Variants in DCAF1 observed in about 807,000 individuals in gnomAD.
DCAF1 encodes the protein DDB1- and CUL4-associated factor 1.
DCAF1 carries 15 observed loss-of-function variants against 128.0 expected under a neutral mutation model. That is an observed-to-expected ratio of 0.12 (90% CI 0.08 to 0.18). The LOEUF (loss-of-function observed/expected upper bound fraction) is 0.18. Ranked by LOEUF, DCAF1 falls within the 10% of genes least tolerant of loss-of-function variation. The pLI, the probability that DCAF1 is intolerant of heterozygous loss-of-function variation, is 1.00. For synonymous variants in DCAF1, 610 were observed against 603.0 expected (o/e 1.01, Z -0.17); for missense variants, 988 against 1,649.5 (o/e 0.60, Z 6.95).
rs1444490264 is a variant in DCAF1, at chr3:51,398,134, A to G, written c.*635T>C. 1.3e-5 allele frequency: 2 copies of G among 152,324 alleles called. No individual in the cohort carries two copies. Among genetic ancestry groups the G allele is most frequent in the African/African-American group, 2.4e-5 (1 of 41,420 alleles). 9.4% of individuals were successfully genotyped at this position (152,324 alleles called of 1,614,324 possible). On this transcript the variant is annotated 3_prime_UTR_variant, in exon 25 of 25. Transcript: ENST00000684031. ...GCCTTCCTCCCCACCTCTGGCACGAAGGAAAACAAATTAACCTGACAGCAT... is the reference window on the plus strand; with the variant it reads ...GCCTTCCTCCCCACCTCTGGCACGAGGGAAAACAAATTAACCTGACAGCAT...
chr3:51,476,030 C>A (rs574894323), intron 3 of DCAF1, among the ~76,000 whole-genome samples: 1 of 152,076 alleles, frequency 6.6e-6, no homozygotes, highest in African/African-American at 2.4e-5. Context: ...TAAAACCTGA[C>A]AAGTAAGAGC....
chr3:51,428,008 C>A (rs142322229), intron 12 of DCAF1, among the ~76,000 whole-genome samples: 43 of 152,158 alleles, frequency 2.8e-4, no homozygotes, highest in African/African-American at 1.0e-3. Context: ...TCAAATTCCA[C>A]AATTCTTGAG....
At chr3:51,495,371 G>A (rs1380755146) in intron 2 of DCAF1, among the ~76,000 whole-genome samples, 1 of 151,926 alleles carries the variant, frequency 6.6e-6, no homozygotes, top group African/African-American at 2.4e-5. Flanking sequence ...ATAAAGGCAA[G>A]GCGTGGTGGC....
At chr3:51,473,756 C>T (rs1412389835) in intron 3 of DCAF1, among the ~76,000 whole-genome samples, 2 of 151,776 alleles carry the variant, frequency 1.3e-5, no homozygotes, top group East Asian at 1.9e-4. Context: ...CCACCCTGGC[C>T]TACCAAAGTC....
At chr3:51,456,368 C>T (rs1702909351) in intron 6 of DCAF1, among the ~76,000 whole-genome samples, 1 of 152,174 alleles carries the variant, frequency 6.6e-6, no homozygotes, top group South Asian at 2.1e-4. Context: ...GAGGGGCGCC[C>T]GCCATTGCTG....
At chr3:51,491,008 G>C (rs1469956861) in intron 2 of DCAF1, among the ~76,000 whole-genome samples, 1 of 147,030 alleles carries the variant, frequency 6.8e-6, no homozygotes, top group East Asian at 2.0e-4. Flanking sequence ...GTATGTAATT[G>C]CAAGGAAACC....
At chr3:51,450,453 G>A (rs6445727) in intron 6 of DCAF1, among the ~76,000 whole-genome samples, 114,659 of 152,036 alleles carry the variant, frequency 0.75, 44,205 homozygotes, top group Middle Eastern at 0.85. Flanking sequence ...TTCAAAGACA[G>A]TTCAACATAC....
chr3:51,439,339 G>C (rs1341568110), intron 9 of DCAF1, among the ~76,000 whole-genome samples: 4 of 151,422 alleles, frequency 2.6e-5, no homozygotes. Context: ...TGTTGACTAA[G>C]CTGGTCTCAA....
Position 51,465,937 on chromosome 3 carries a change from G to A in DCAF1, c.261+866C>T, listed in dbSNP as rs1053642873. Among the ~76,000 whole-genome samples the A allele has an allele frequency of 3.3e-5, 5 of 152,160 alleles. No homozygotes were observed. The South Asian group carries it at 8.3e-4, about 25-fold the overall frequency. ...GCTGCGGCTGGGTGCAGTGGTTCACGTCTGTAATCCCAGCACTTTGGGAGG... is the reference window on the plus strand; with the variant it reads ...GCTGCGGCTGGGTGCAGTGGTTCACATCTGTAATCCCAGCACTTTGGGAGG... On this transcript the variant is annotated intron_variant, in intron 5 of 24. Transcript: ENST00000684031.
rs1362910661 is a variant in DCAF1 at position 51,422,314 on chromosome 3, A to G, written c.1965T>C (p.Ser655=). The change falls in exon 14 of 25, where the codon TCT becomes TCC. Residue 655 remains serine, a synonymous_variant. Transcript: ENST00000684031. Reference sequence around the variant, plus strand: ...TGGCAAAGTACAACCTACCTACAGTAGAGACTGTAGATCCAGCCTCATCCA... The same window carrying G: ...TGGCAAAGTACAACCTACCTACAGTGGAGACTGTAGATCCAGCCTCATCCA... ...DVLDEAGSTV[S]TVGISIILGV... is the part of the protein sequence containing the mutation. The G allele has an allele frequency of 7.8e-6, 6 of 765,566 alleles. No individual in the cohort carries two copies. The highest frequency in any genetic ancestry group is 1.7e-5 in the African/African-American group (1 of 58,894). The allele number at this position is 765,566 out of a possible 1,614,324, so 47.4% of individuals were successfully genotyped here.
At chr3:51,479,843 T>C (rs1705943270) in intron 3 of DCAF1, among the ~76,000 whole-genome samples, 1 of 151,808 alleles carries the variant, frequency 6.6e-6, no homozygotes, top group Non-Finnish European at 1.5e-5. Context: ...TGTGGTATAA[T>C]GGGGGAAAAT....
upstream of DCAF1, among the ~76,000 whole-genome samples, chr3:51,502,190 T>C (rs1479068870): frequency 1.3e-5 from 2 of 152,138 alleles, no homozygotes; most frequent in Non-Finnish European, 2.9e-5. Flanking sequence ...AAGGCTTAGC[T>C]CACGCGCTCC....
intron 3 of DCAF1, among the ~76,000 whole-genome samples, chr3:51,482,634 G>A (rs868921909): frequency 5.4e-5 from 8 of 148,230 alleles, no homozygotes; most frequent in Non-Finnish European, 8.9e-5. Context: ...GTGTGGTGGC[G>A]TGCACCTGTA....
At chr3:51,465,569 C>T (rs1704045636) in intron 5 of DCAF1, among the ~76,000 whole-genome samples, 1 of 151,148 alleles carries the variant, frequency 6.6e-6, no homozygotes, top group South Asian at 2.1e-4. Context: ...CATGGAGAAA[C>T]CCCGTCTCTA....
chr3:51,463,244 G>A lies in DCAF1; in HGVS notation c.262-17C>T. On this transcript the variant is annotated splice_polypyrimidine_tract_variant and intron_variant, in intron 5 of 24. Transcript: ENST00000684031. Reference sequence around the variant, plus strand: ...ATTCACCAGCTGTAAAGAAAAAAAAGAAATACTGTTCATCTAAAATTCAAC... The same window carrying A: ...ATTCACCAGCTGTAAAGAAAAAAAAAAAATACTGTTCATCTAAAATTCAAC... 6.7e-7 allele frequency: 1 copy of A among 1,495,488 alleles called. No individual in the cohort carries two copies. The highest frequency in any genetic ancestry group is 9.0e-7 in the Non-Finnish European group (1 of 1,110,604). The allele number at this position is 1,495,488 out of a possible 1,614,324, so 92.6% of individuals were successfully genotyped here. A position where few individuals can be genotyped will look rare whatever the true frequency, so the allele number is the denominator to read the frequency against.
At chr3:51,427,564 T>G (rs534901183) in intron 12 of DCAF1, 23 bp from the exon 13 acceptor site, 4 of 606,942 alleles carry the variant, frequency 6.6e-6, no homozygotes, top group South Asian at 6.3e-5. Context: ...ATATATAGTA[T>G]TATTATTATA....
intron 6 of DCAF1, among the ~76,000 whole-genome samples, chr3:51,453,162 T>A (rs1702527127): frequency 6.6e-6 from 1 of 152,210 alleles, no homozygotes; most frequent in South Asian, 2.1e-4. Context: ...CACGGGTTGC[T>A]AACTGGAGAT....
rs782087400 is a variant in DCAF1 at position 51,412,109 on chromosome 3, T to TAA, written c.4212+268_4212+269dup. Among the ~76,000 whole-genome samples the TAA allele has an allele frequency of 7.8e-3, 230 of 29,436 alleles. 14 individuals carry two copies. Among genetic ancestry groups the TAA allele is most frequent in the African/African-American group, 0.026 (182 of 7,050 alleles). The allele number at this position is 29,436 out of a possible 152,430, so 19.3% of individuals were successfully genotyped here. A position where few individuals can be genotyped will look rare whatever the true frequency, so the allele number is the denominator to read the frequency against. On this transcript the variant is annotated intron_variant, in intron 23 of 24. Coordinates refer to ENST00000684031, the MANE Select transcript of DCAF1 (RefSeq NM_001387579.1). ...CGGCGACAAGAGCAAAACTCCATTC[T>TAA]AAAAAAAAAAAAAAAAAAAAAAAAA...
intron 4 of DCAF1, among the ~76,000 whole-genome samples, chr3:51,468,794 C>T (rs1289307188): frequency 3.3e-5 from 5 of 152,136 alleles, no homozygotes; most frequent in Admixed American, 1.3e-4. Flanking sequence ...GAAAAAATTG[C>T]TTTGTAAGCT....
Sources: allele counts gnomAD v4.1 joint callset (sites outside exome capture counted in the v4.1 genomes callset), GRCh38; gene constraint gnomAD v4.1.1; transcripts MANE v1.5; gene names NCBI Gene and HGNC (gene_info 2026-07-23, HGNC 2026-07-21).